The following TNFSF4 variants were observed in gnomAD, a reference collection of about 807,000 sequenced individuals.
The protein encoded by TNFSF4 is TNF superfamily member 4, also known as tumor necrosis factor ligand superfamily member 4.
Under a neutral mutation model 7.3 loss-of-function variants are expected in TNFSF4, and 4 were observed. That is an observed-to-expected ratio of 0.55 (90% CI 0.27 to 1.25). TNFSF4 has a LOEUF of 1.25. TNFSF4 is among the 50% of genes most tolerant of loss of function. The pLI is 0.12. For missense variants in TNFSF4, 181 were observed against 208.8 expected, an observed-to-expected ratio of 0.87 and a Z score of 0.82; for synonymous variants, 76 against 83.7, an observed-to-expected ratio of 0.91 and a Z score of 0.50.
At chr1:173,367,939 A>G in the TNFSF4 span, among the ~76,000 whole-genome samples, 1 of 152,202 alleles carries the variant, frequency 6.6e-6, no homozygotes, top group Non-Finnish European at 1.5e-5. Context: ...GAGGATTGTA[A>G]GAGGCACCAA....
the TNFSF4 span, among the ~76,000 whole-genome samples, chr1:173,419,814 T>C: frequency 6.6e-6 from 1 of 152,318 alleles, no homozygotes; most frequent in African/African-American, 2.4e-5. Context: ...TTTAAGATTT[T>C]TTAAAATAGA....
At chr1:173,310,115 G>A in the TNFSF4 span, among the ~76,000 whole-genome samples, 4 of 151,530 alleles carry the variant, frequency 2.6e-5, no homozygotes, top group African/African-American at 9.7e-5. Flanking sequence ...AACATCTTTT[G>A]ACTTTGTTGC....
chr1:173,393,694 A>G, the TNFSF4 span, among the ~76,000 whole-genome samples: 1 of 152,362 alleles, frequency 6.6e-6, no homozygotes, highest in Non-Finnish European at 1.5e-5. Flanking sequence ...GTTTTCCCAT[A>G]GAATGATGAT....
chr1:173,250,973 G>C, the TNFSF4 span, among the ~76,000 whole-genome samples: 1 of 152,252 alleles, frequency 6.6e-6, no homozygotes, highest in East Asian at 1.9e-4. Flanking sequence ...CCCCACATCA[G>C]CACCATCCAT....
At chr1:173,395,057 A>G in the TNFSF4 span, among the ~76,000 whole-genome samples, 1 of 151,426 alleles carries the variant, frequency 6.6e-6, no homozygotes, top group Non-Finnish European at 1.5e-5. Context: ...ATAGATAGAT[A>G]GATAGATAGA....
rs1327708151 is a variant in TNFSF4 at position 173,186,365 on chromosome 1, G to A, written c.*151C>T. On this transcript the variant is annotated 3_prime_UTR_variant, in exon 3 of 3. Transcript: ENST00000281834. ...AATAAGTTTTAAATATCCCTGAGGG[G>A]TGGGGGCGGGAGGGCCAGGATCTGC... The A allele has an allele frequency of 6.6e-6, 4 of 603,706 alleles. No homozygotes were observed. Among genetic ancestry groups the A allele is most frequent in the Admixed American group, 3.0e-5 (1 of 33,300 alleles). The allele number at this position is 603,706 out of a possible 1,614,324, so 37.4% of individuals were successfully genotyped here. A position where few individuals can be genotyped will look rare whatever the true frequency, so the allele number is the denominator to read the frequency against.
the TNFSF4 span, among the ~76,000 whole-genome samples, chr1:173,233,304 A>G: frequency 6.6e-6 from 1 of 152,216 alleles, no homozygotes; most frequent in Non-Finnish European, 1.5e-5. Flanking sequence ...AAATGAACAA[A>G]GCCTCCAAGA....
the TNFSF4 span, among the ~76,000 whole-genome samples, chr1:173,295,431 G>C: frequency 6.6e-6 from 1 of 152,004 alleles, no homozygotes; most frequent in East Asian, 1.9e-4. Flanking sequence ...TCAAAGAAGT[G>C]CCCCAGGATC....
At chr1:173,238,560 A>G in the TNFSF4 span, among the ~76,000 whole-genome samples, 1 of 150,348 alleles carries the variant, frequency 6.7e-6, no homozygotes, top group East Asian at 1.9e-4. Flanking sequence ...CAAACATACA[A>G]GCAAAAACAC....
chr1:173,240,100 A>G, the TNFSF4 span, among the ~76,000 whole-genome samples: 1 of 152,056 alleles, frequency 6.6e-6, no homozygotes, highest in Non-Finnish European at 1.5e-5. Flanking sequence ...GTTTCCTACT[A>G]CCTGGCCCCC....
At chr1:173,392,793 G>A in the TNFSF4 span, among the ~76,000 whole-genome samples, 3 of 152,186 alleles carry the variant, frequency 2.0e-5, no homozygotes, top group Admixed American at 1.3e-4. Flanking sequence ...CTTATATTTA[G>A]TATAATATTT....
chr1:173,352,521 A>ACG, the TNFSF4 span, among the ~76,000 whole-genome samples: 10 of 152,192 alleles, frequency 6.6e-5, no homozygotes, highest in Admixed American at 3.3e-4. Context: ...TAAAACCAGC[A>ACG]CGTTTTTATT....
the TNFSF4 span, among the ~76,000 whole-genome samples, chr1:173,394,987 CATAGATAGATAGAT>C: frequency 6.3e-5 from 8 of 126,878 alleles, no homozygotes; most frequent in African/African-American, 2.2e-4. Context: ...ATAGAGGACA[CATAGATAGATAGAT>C]AGATAGATAG....
At chr1:173,423,357 T>G in the TNFSF4 span, among the ~76,000 whole-genome samples, 1 of 152,216 alleles carries the variant, frequency 6.6e-6, no homozygotes, top group African/African-American at 2.4e-5. Context: ...TTTCCACCTC[T>G]TTAATTAAAA....
At chr1:173,194,082 A>G (rs76977790) in intron 1 of TNFSF4, among the ~76,000 whole-genome samples, 101 of 152,360 alleles carry the variant, frequency 6.6e-4, no homozygotes, top group African/African-American at 2.3e-3. Context: ...ACTGCTGTTA[A>G]CTATGAACTT....
chr1:173,430,572 A>C, the TNFSF4 span, among the ~76,000 whole-genome samples: 1 of 152,204 alleles, frequency 6.6e-6, no homozygotes, highest in South Asian at 2.1e-4. Context: ...TGTTGCTTAT[A>C]ACTTGGTATT....
At chr1:173,278,338 T>G in the TNFSF4 span, among the ~76,000 whole-genome samples, 1 of 152,102 alleles carries the variant, frequency 6.6e-6, no homozygotes, top group Non-Finnish European at 1.5e-5. Context: ...TCCTGATTGT[T>G]CCTTCAAAAT....
chr1:173,419,229 C>T, the TNFSF4 span, among the ~76,000 whole-genome samples: 1 of 151,954 alleles, frequency 6.6e-6, no homozygotes, highest in East Asian at 1.9e-4. Flanking sequence ...GTAGTCCCAG[C>T]TACTTGGGAG....
the TNFSF4 span, among the ~76,000 whole-genome samples, chr1:173,326,867 A>G: frequency 6.6e-6 from 1 of 152,248 alleles, no homozygotes; most frequent in East Asian, 1.9e-4. Flanking sequence ...GAAATAAAAG[A>G]GGACACAAAC....
Sources: allele counts gnomAD v4.1 joint callset (sites outside exome capture counted in the v4.1 genomes callset), GRCh38; gene constraint gnomAD v4.1.1; transcripts MANE v1.5; gene names NCBI Gene and HGNC (gene_info 2026-07-23, HGNC 2026-07-21).